Variants in RBM47 observed in about 807,000 individuals in gnomAD.
RBM47 encodes RNA-binding protein 47.
RBM47 carries 21 observed loss-of-function variants against 47.1 expected under a neutral mutation model. The observed-to-expected ratio is 0.45, with a 90% confidence interval of 0.32 to 0.64. The LOEUF (loss-of-function observed/expected upper bound fraction) is 0.64. RBM47 is among the 30% of genes least tolerant of loss of function. The probability of loss-of-function intolerance (pLI) is 0.05; values close to 1 mark genes in which losing one functional copy is unlikely to be tolerated. For missense variants in RBM47, 708 were observed against 870.9 expected (o/e 0.81, Z 2.35); for synonymous variants, 375 against 361.7 (o/e 1.04, Z -0.42).
intron 1 of RBM47, among the ~76,000 whole-genome samples, chr4:40,574,929 G>A (rs1325635083): frequency 1.3e-5 from 2 of 152,134 alleles, no homozygotes; most frequent in Admixed American, 6.6e-5. Flanking sequence ...GATAGGTTAC[G>A]AAGATAATCA....
chr4:40,432,020 T>TA (rs907448252), intron 6 of RBM47, among the ~76,000 whole-genome samples: 10 of 150,092 alleles, frequency 6.7e-5, no homozygotes, highest in African/African-American at 2.2e-4. Flanking sequence ...CAGGCTAATT[T>TA]AAAAAAAAAA....
intron 1 of RBM47, among the ~76,000 whole-genome samples, chr4:40,556,122 G>A (rs1212476559): frequency 3.3e-5 from 5 of 150,516 alleles, no homozygotes; most frequent in African/African-American, 1.2e-4. Flanking sequence ...TGCAACCTCT[G>A]CCTCCTGGGT....
intron 1 of RBM47, among the ~76,000 whole-genome samples, chr4:40,606,993 C>T (rs528381402): frequency 7.2e-5 from 11 of 152,124 alleles, no homozygotes; most frequent in African/African-American, 1.9e-4. Flanking sequence ...AAAAAAAGCC[C>T]GCAAACATAT....
intron 2 of RBM47, among the ~76,000 whole-genome samples, chr4:40,487,557 T>C (rs189917910): frequency 1.3e-5 from 2 of 152,224 alleles, no homozygotes; most frequent in East Asian, 1.9e-4. Flanking sequence ...TCCCAAATTG[T>C]TGGGATAACA....
At chr4:40,590,859 G>A (rs1734074466) in intron 1 of RBM47, among the ~76,000 whole-genome samples, 1 of 152,206 alleles carries the variant, frequency 6.6e-6, no homozygotes, top group African/African-American at 2.4e-5. Flanking sequence ...CTGGAGTGCA[G>A]TGGTGCGATC....
intron 2 of RBM47, among the ~76,000 whole-genome samples, chr4:40,507,210 G>T (rs1235647383): frequency 6.6e-6 from 1 of 152,002 alleles, no homozygotes; most frequent in Non-Finnish European, 1.5e-5. Flanking sequence ...GCCAGTCTCC[G>T]CCTTCCAAAG....
At chr4:40,592,034 T>C (rs1468851173) in intron 1 of RBM47, among the ~76,000 whole-genome samples, 1 of 152,090 alleles carries the variant, frequency 6.6e-6, no homozygotes, top group East Asian at 1.9e-4. Flanking sequence ...TCAGGAAAAA[T>C]GCTTGTTCAT....
intron 1 of RBM47, among the ~76,000 whole-genome samples, chr4:40,579,374 A>G (rs1391668623): frequency 7.2e-6 from 1 of 139,252 alleles, no homozygotes; most frequent in African/African-American, 2.7e-5. Context: ...GTGAGTCGAG[A>G]TCATGCCACT....
chr4:40,555,460 G>A (rs1373458748), intron 1 of RBM47, among the ~76,000 whole-genome samples: 1 of 152,150 alleles, frequency 6.6e-6, no homozygotes, highest in Non-Finnish European at 1.5e-5. Flanking sequence ...AATAGTGATG[G>A]GTGTGATCAA....
intron 2 of RBM47, among the ~76,000 whole-genome samples, chr4:40,486,092 A>AC (rs2154243922): frequency 7.0e-6 from 1 of 143,258 alleles, no homozygotes; most frequent in African/African-American, 2.6e-5. Context: ...AAAAAAAAAA[A>AC]AAAAAGAGCT....
At chr4:40,455,382 C>T (rs144863064) in intron 3 of RBM47, 5 of 152,202 alleles carry the variant, frequency 3.3e-5, no homozygotes, top group African/African-American at 1.2e-4. Context: ...AATGCCATCA[C>T]ACAAGTCACT....
At chr4:40,481,981 C>G (rs368506551) in intron 2 of RBM47, among the ~76,000 whole-genome samples, 2 of 152,154 alleles carry the variant, frequency 1.3e-5, no homozygotes, top group South Asian at 4.1e-4. Flanking sequence ...CCACTGCGCC[C>G]GGCCATGATG....
intron 2 of RBM47, among the ~76,000 whole-genome samples, chr4:40,474,651 T>C (rs76123908): frequency 0.098 from 14,963 of 152,256 alleles, 942 homozygotes; most frequent in Non-Finnish European, 0.14. Context: ...AATGGTGCCA[T>C]CTCTCATTTG....
intron 2 of RBM47, among the ~76,000 whole-genome samples, chr4:40,511,352 A>G (rs1215434965): frequency 2.6e-5 from 4 of 152,230 alleles, no homozygotes; most frequent in African/African-American, 7.2e-5. Flanking sequence ...TTTCAGCCTC[A>G]TGACATTTTA....
chr4:40,610,132 T>A (rs982581132), intron 1 of RBM47, among the ~76,000 whole-genome samples: 1 of 151,600 alleles, frequency 6.6e-6, no homozygotes, highest in Admixed American at 6.6e-5. Flanking sequence ...AAAACCTCAT[T>A]TAAGAATCAT....
chr4:40,582,568 G>C (rs929499400), intron 1 of RBM47, among the ~76,000 whole-genome samples: 3 of 151,978 alleles, frequency 2.0e-5, no homozygotes, highest in Non-Finnish European at 2.9e-5. Flanking sequence ...ACAAAAACTA[G>C]GATCTGATGA....
Position 40,620,704 on chromosome 4 carries a change from A to C in RBM47, c.-240+8692T>G, listed in dbSNP as rs756502126. On this transcript the variant is annotated intron_variant, in intron 1 of 6. Transcript: ENST00000295971. The stretch of plus-strand genomic sequence containing the variant: ...TATTCATTTTTTCTTTTCTTTAAAA[A>C]ATTTTTTTTAATAGAGAAGGGTTTT... Among the ~76,000 whole-genome samples, 93 of 152,086 alleles carry C rather than the reference A, an allele frequency of 6.1e-4. 3 individuals are homozygous for C. Among genetic ancestry groups the C allele is most frequent in the Admixed American group, 8.5e-4 (13 of 15,268 alleles).
At chr4:40,517,944 A>C (rs1725776081) in intron 2 of RBM47, among the ~76,000 whole-genome samples, 1 of 152,100 alleles carries the variant, frequency 6.6e-6, no homozygotes, top group Admixed American at 6.6e-5. Flanking sequence ...AGCATCCAAA[A>C]TCTGGGGGGC....
Position 40,591,746 on chromosome 4 carries a change from A to T in RBM47, c.-240+37650T>A, listed in dbSNP as rs1194639239. Among the ~76,000 whole-genome samples the T allele has an allele frequency of 7.2e-5, 11 of 152,168 alleles. No individual in the cohort carries two copies. In the East Asian group the frequency reaches 1.5e-3, roughly 21 times the overall value. ...GATATGTGGGGAGAATTTCACAGTT[A>T]CCCTAATGAGTAATAGGTTCTACCT... On this transcript the variant is annotated intron_variant, in intron 1 of 6. Transcript: ENST00000295971.
Sources: allele counts gnomAD v4.1 joint callset (sites outside exome capture counted in the v4.1 genomes callset), GRCh38; gene constraint gnomAD v4.1.1; transcripts MANE v1.5; gene names NCBI Gene and HGNC (gene_info 2026-07-23, HGNC 2026-07-21).